The following TEX264 variants were observed in gnomAD, a reference collection of about 807,000 sequenced individuals.
The protein encoded by TEX264 is testis expressed 264, ER-phagy receptor, also known as testis-expressed protein 264.
A neutral mutation model predicts 23.4 loss-of-function variants in TEX264; 13 were observed. The ratio of observed to expected loss-of-function variants is 0.56; its 90% CI spans 0.36 to 0.88. The LOEUF is 0.88. Among genes scored for constraint, TEX264 ranks in the 40% least tolerant of loss-of-function variants. The pLI, the probability that TEX264 is intolerant of heterozygous loss-of-function variation, is 0.01. For synonymous variants in TEX264, 159 were observed against 170.0 expected, an observed-to-expected ratio of 0.94 and a Z score of 0.50; for missense variants, 340 against 406.8, an observed-to-expected ratio of 0.84 and a Z score of 1.41.
At chr3:51,681,074 C>T (rs1435505249) in intron 2 of TEX264, among the ~76,000 whole-genome samples, 2 of 152,152 alleles carry the variant, frequency 1.3e-5, no homozygotes, top group Non-Finnish European at 2.9e-5. Flanking sequence ...CTTCTAGGCT[C>T]CTCCTTAGGC....
At chr3:51,697,315 T>C (rs1372254398) in intron 3 of TEX264, among the ~76,000 whole-genome samples, 1 of 152,168 alleles carries the variant, frequency 6.6e-6, no homozygotes, top group African/African-American at 2.4e-5. Context: ...CTCCCTCTTA[T>C]TATCTTGTTA....
In TEX264 at chr3:51,703,663, C is replaced by T. The variant is rs1577542095; in HGVS notation, c.650-61C>T. 2 of 1,513,870 alleles carry T rather than the reference C, an allele frequency of 1.3e-6. No individual in the cohort carries two copies. Among genetic ancestry groups the T allele is most frequent in the East Asian group, 2.3e-5 (1 of 43,776 alleles). 93.8% of individuals were successfully genotyped at this position (1,513,870 alleles called of 1,614,324 possible). ...GAGTGCACTGCGTGCTGAGTTGCCT[C>T]TCCCTGGAGGAGGGGGTGGGGTGGT... On this transcript the variant is annotated intron_variant, in intron 4 of 4. Coordinates refer to ENST00000341333, the MANE Select transcript of TEX264 (RefSeq NM_015926.6). This position sits in a 1 kb window ranked among gnomAD's most constrained non-coding sequence, Gnocchi z 4.8.
chr3:51,680,064 G>A lies in TEX264; in HGVS notation c.259-4349G>A, dbSNP rs142410096. Among the ~76,000 whole-genome samples, 534 of 152,326 alleles carry A rather than the reference G, an allele frequency of 3.5e-3. 3 individuals carry two copies. The highest frequency in any genetic ancestry group is 0.012 in the African/African-American group (501 of 41,578). ...AGTACAAGTGCAAATGAAGGGCCCTGCCTCTACTTTCCCCCTTAACTTGGG... is the reference window on the plus strand; with the variant it reads ...AGTACAAGTGCAAATGAAGGGCCCTACCTCTACTTTCCCCCTTAACTTGGG... On this transcript the variant is annotated intron_variant, in intron 2 of 4. Transcript: ENST00000341333.
intron 2 of TEX264, chr3:51,682,043 AC>A (rs1306160759): frequency 6.6e-6 from 1 of 152,222 alleles, no homozygotes; most frequent in Non-Finnish European, 1.5e-5. Context: ...TGGAACTCAA[AC>A]CCAGGCAAGC....
rs1362713087 is a variant in TEX264 at position 51,704,075 on chromosome 3, A to G, written c.*59A>G. On this transcript the variant is annotated 3_prime_UTR_variant, in exon 5 of 5. Coordinates refer to ENST00000341333, the MANE Select transcript of TEX264 (RefSeq NM_015926.6). ...TGAGGAACTGAGCAGACTCTCCAGCAGACTCTCCAGCCCTCTTCCTCCTTC... is the reference window on the plus strand; with the variant it reads ...TGAGGAACTGAGCAGACTCTCCAGCGGACTCTCCAGCCCTCTTCCTCCTTC... 7.3e-7 allele frequency: 1 copy of G among 1,364,590 alleles called. No homozygotes were observed. The highest frequency in any genetic ancestry group is 2.9e-5 in the Admixed American group (1 of 34,656). 84.5% of individuals were successfully genotyped at this position (1,364,590 alleles called of 1,614,324 possible).
At chr3:51,689,742 C>T (rs894745792) in intron 3 of TEX264, among the ~76,000 whole-genome samples, 2 of 152,214 alleles carry the variant, frequency 1.3e-5, no homozygotes, top group Admixed American at 6.5e-5. Context: ...CCTCCAGTCC[C>T]GCCCACTACA....
intron 1 of TEX264, among the ~76,000 whole-genome samples, chr3:51,673,560 T>C (rs1702126939): frequency 6.6e-6 from 1 of 152,194 alleles, no homozygotes; most frequent in Non-Finnish European, 1.5e-5. Context: ...CTTGTTAACA[T>C]TGGTGGTTCA....
At chr3:51,678,759 G>A (rs1439724806) in intron 2 of TEX264, among the ~76,000 whole-genome samples, 1 of 152,198 alleles carries the variant, frequency 6.6e-6, no homozygotes, top group East Asian at 1.9e-4. Flanking sequence ...GAGTTCTGAT[G>A]TAGGCCTGTG....
chr3:51,693,615 G>A (rs1380464039), intron 3 of TEX264, among the ~76,000 whole-genome samples: 1 of 151,970 alleles, frequency 6.6e-6, no homozygotes, highest in African/African-American at 2.4e-5. Context: ...AAGTAGCTGG[G>A]ACTACAAGCA....
intron 2 of TEX264, 22 bp from the exon 3 acceptor site, chr3:51,684,391 C>G: frequency 6.2e-7 from 1 of 1,611,556 alleles, no homozygotes; most frequent in Non-Finnish European, 8.5e-7. Context: ...CCAACTCTCA[C>G]ACCCATGCTT....
chr3:51,678,247 G>T (rs1465082942), intron 2 of TEX264, among the ~76,000 whole-genome samples: 1 of 152,212 alleles, frequency 6.6e-6, no homozygotes, highest in Admixed American at 6.5e-5. Context: ...AGCCTTCAGT[G>T]TTGGAGGGGA....
chr3:51,672,293 G>T (rs1426340436), intron 1 of TEX264: 1 of 152,184 alleles, frequency 6.6e-6, no homozygotes, highest in Non-Finnish European at 1.5e-5. Context: ...AGTGAGCCTG[G>T]CATTTCAGGT....
At chr3:51,698,767 C>T (rs1703166323) in intron 3 of TEX264, among the ~76,000 whole-genome samples, 1 of 152,172 alleles carries the variant, frequency 6.6e-6, no homozygotes, top group African/African-American at 2.4e-5. Flanking sequence ...GGTATGGGAA[C>T]CATACCTGAT....
At chr3:51,694,648 A>G (rs1408178519) in intron 3 of TEX264, 1 of 152,308 alleles carries the variant, frequency 6.6e-6, no homozygotes, top group African/African-American at 2.4e-5. Context: ...AGCCAAGCCA[A>G]TGCCCTAGGC....
Position 51,684,333 on chromosome 3 carries a change from C to A in TEX264, c.259-80C>A, listed in dbSNP as rs1702535631. ...AGCTGCTGGTTCTTTTAGGCCTGATCTGGCACAGTCCCAGGAGGAAGGAGG... is the reference window on the plus strand; with the variant it reads ...AGCTGCTGGTTCTTTTAGGCCTGATATGGCACAGTCCCAGGAGGAAGGAGG... On this transcript the variant is annotated intron_variant, in intron 2 of 4. Coordinates refer to ENST00000341333, the MANE Select transcript of TEX264 (RefSeq NM_015926.6). 19 of 1,326,984 alleles carry A rather than the reference C, an allele frequency of 1.4e-5. No individual in the cohort carries two copies. In the South Asian group the frequency reaches 2.3e-4, roughly 16 times the overall value. The allele number at this position is 1,326,984 out of a possible 1,614,324, so 82.2% of individuals were successfully genotyped here. A position where few individuals can be genotyped will look rare whatever the true frequency, so the allele number is the denominator to read the frequency against.
chr3:51,698,923 G>C (rs540510275), intron 3 of TEX264, among the ~76,000 whole-genome samples: 2 of 152,296 alleles, frequency 1.3e-5, no homozygotes, highest in African/African-American at 4.8e-5. Flanking sequence ...GGGGGTGCTG[G>C]TCTTCTGATA....
intron 3 of TEX264, among the ~76,000 whole-genome samples, chr3:51,688,333 G>A (rs1702699227): frequency 6.6e-6 from 1 of 152,234 alleles, no homozygotes; most frequent in African/African-American, 2.4e-5. Flanking sequence ...GTCCAGGGAA[G>A]GCTTCGGACA....
At position 51,704,166 on chromosome 3, in the gene TEX264, C is replaced by A; in HGVS notation, c.*150C>A. ...TGCTCCAGGCCTCTTGCTAAGCCTT[C>A]TCCTCACTGCCCTTTAGGCTCCCAG... On this transcript the variant is annotated 3_prime_UTR_variant, in exon 5 of 5. Transcript: ENST00000341333. 1.5e-6 allele frequency: 1 copy of A among 676,516 alleles called. No individual in the cohort carries two copies. Among genetic ancestry groups the A allele is most frequent in the Non-Finnish European group, 2.1e-6 (1 of 471,282 alleles). The allele number at this position is 676,516 out of a possible 1,614,324, so 41.9% of individuals were successfully genotyped here.
chr3:51,702,333 T>C (rs763961725), intron 4 of TEX264, among the ~76,000 whole-genome samples: 7 of 152,198 alleles, frequency 4.6e-5, no homozygotes, highest in Non-Finnish European at 1.0e-4. Context: ...CAGGCTTCTG[T>C]CCTGGGAGCC....
Sources: allele counts gnomAD v4.1 joint callset (sites outside exome capture counted in the v4.1 genomes callset), GRCh38; gene constraint gnomAD v4.1.1; non-coding constraint Gnocchi (gnomAD v3.1); transcripts MANE v1.5; gene names NCBI Gene and HGNC (gene_info 2026-07-23, HGNC 2026-07-21).